PTK2B: variants seen among roughly 807,000 people sequenced by gnomAD.
PTK2B encodes the protein protein-tyrosine kinase 2-beta.
A neutral mutation model predicts 142.9 loss-of-function variants in PTK2B; 71 were observed. That is an observed-to-expected ratio of 0.50 (90% CI 0.41 to 0.61). The LOEUF is 0.61. Among genes scored for constraint, PTK2B ranks in the 20% least tolerant of loss-of-function variants. The probability of loss-of-function intolerance (pLI) is 0.00; values close to 1 mark genes in which losing one functional copy is unlikely to be tolerated. For synonymous variants in PTK2B, 519 were observed against 503.4 expected (o/e 1.03, Z -0.42); for missense variants, 1,105 against 1,320.4 (o/e 0.84, Z 2.53).
At chr8:27,428,221 C>T (rs1810201986) in intron 5 of PTK2B, among the ~76,000 whole-genome samples, 2 of 152,136 alleles carry the variant, frequency 1.3e-5, no homozygotes. Flanking sequence ...GGAGCTCAGG[C>T]AATATAGCAA....
chr8:27,377,459 G>A (rs547727929), intron 1 of PTK2B, among the ~76,000 whole-genome samples: 1 of 152,336 alleles, frequency 6.6e-6, no homozygotes, highest in South Asian at 2.1e-4. Context: ...CCATGACAGA[G>A]CTCCAGAAAT....
chr8:27,447,687 C>T (rs1811552636), intron 24 of PTK2B, among the ~76,000 whole-genome samples: 1 of 152,148 alleles, frequency 6.6e-6, no homozygotes, highest in African/African-American at 2.4e-5. Flanking sequence ...GGCAAAACCC[C>T]ATCTGTACTA....
chr8:27,441,581 C>T (rs1586336404), intron 21 of PTK2B, among the ~76,000 whole-genome samples: 1 of 152,194 alleles, frequency 6.6e-6, no homozygotes, highest in East Asian at 1.9e-4. Context: ...AGGCCAGGGG[C>T]ACTGAGGGTG....
At chr8:27,377,207 A>G (rs1268697879) in intron 1 of PTK2B, among the ~76,000 whole-genome samples, 8 of 152,208 alleles carry the variant, frequency 5.3e-5, no homozygotes, top group Non-Finnish European at 1.2e-4. Flanking sequence ...GTTTTTGCCA[A>G]AAGGGGCGCC....
intron 3 of PTK2B, among the ~76,000 whole-genome samples, chr8:27,317,835 A>C (rs1001209781): frequency 1.3e-5 from 2 of 152,216 alleles, no homozygotes; most frequent in African/African-American, 4.8e-5. Context: ...ACATTGCTGC[A>C]ATTCATTATA....
Position 27,436,349 on chromosome 8 carries a change from G to C in PTK2B, c.1341+1G>C. ...CTATGAAGGTGTCTACACAAATCAC[G>C]TGAGTTCTAGGATCTTCCCTTACAC... is the stretch of plus-strand genomic sequence containing the variant. On this transcript the variant is annotated splice_donor_variant, in intron 15 of 30. Coordinates refer to ENST00000346049, the MANE Select transcript of PTK2B (RefSeq NM_173176.3). LOFTEE classifies it high-confidence loss of function. 6.2e-7 allele frequency: 1 copy of C among 1,606,006 alleles called. No homozygotes were observed. The highest frequency in any genetic ancestry group is 8.5e-7 in the Non-Finnish European group (1 of 1,172,602).
At position 27,422,291 on chromosome 8, in the gene PTK2B, T is replaced by G. The variant is rs1809807200; in HGVS notation, c.472-13T>G. The G allele has an allele frequency of 6.2e-7, 1 of 1,611,850 alleles. No homozygotes were observed. The highest frequency in any genetic ancestry group is 8.5e-7 in the Non-Finnish European group (1 of 1,178,786). ...AGGGTGCAAGCCTGATGCTTGACCT[T>G]TCTCCCCACCAGCTCCGGAACGACT... is the stretch of plus-strand genomic sequence containing the variant. On this transcript the variant is annotated splice_polypyrimidine_tract_variant and intron_variant, in intron 4 of 30. Coordinates refer to ENST00000346049, the MANE Select transcript of PTK2B (RefSeq NM_173176.3).
At chr8:27,439,903 G>A (rs1811049234) in intron 20 of PTK2B, among the ~76,000 whole-genome samples, 1 of 152,116 alleles carries the variant, frequency 6.6e-6, no homozygotes, top group Non-Finnish European at 1.5e-5. Context: ...GTGTTGGTGC[G>A]AGGCTTCCAT....
chr8:27,398,499 G>A (rs994310156), intron 2 of PTK2B, among the ~76,000 whole-genome samples: 1 of 152,202 alleles, frequency 6.6e-6, no homozygotes, highest in African/African-American at 2.4e-5. Context: ...AACAATTACT[G>A]TGTGGAGCCT....
At chr8:27,402,725 G>A (rs944797663) in intron 2 of PTK2B, among the ~76,000 whole-genome samples, 1 of 152,154 alleles carries the variant, frequency 6.6e-6, no homozygotes, top group Non-Finnish European at 1.5e-5. Flanking sequence ...TCAATCTGAA[G>A]CATATGCTCC....
chr8:27,321,078 T>C (rs1803205354), upstream of PTK2B, among the ~76,000 whole-genome samples: 1 of 140,672 alleles, frequency 7.1e-6, no homozygotes, highest in Admixed American at 7.5e-5. Context: ...CATTGCATCC[T>C]CAGTCTCCTG....
chr8:27,364,080 G>A (rs566699723), intron 1 of PTK2B, among the ~76,000 whole-genome samples: 2 of 152,334 alleles, frequency 1.3e-5, no homozygotes, highest in East Asian at 1.9e-4. Context: ...TGAAACAGCT[G>A]CATCAGCGTC....
chr8:27,451,342 G>A (rs1259531181), intron 26 of PTK2B, 143 bp from the exon 27 acceptor site: 21 of 1,381,302 alleles, frequency 1.5e-5, no homozygotes, highest in African/African-American at 4.3e-5. Flanking sequence ...ATTGGGTCAC[G>A]AGCTGCTCCC....
chr8:27,372,139 G>T (rs1425702648), intron 1 of PTK2B, among the ~76,000 whole-genome samples: 3 of 152,170 alleles, frequency 2.0e-5, no homozygotes, highest in Non-Finnish European at 2.9e-5. Context: ...ATATAAATGT[G>T]GTCAGTGAGC....
Position 27,334,551 on chromosome 8 carries a change from T to A in PTK2B, c.-38+8870T>A, listed in dbSNP as rs118025278. On this transcript the variant is annotated intron_variant, in intron 1 of 30. Coordinates refer to ENST00000346049, the MANE Select transcript of PTK2B (RefSeq NM_173176.3). ...CTTTGCATCCTGGGATCTCCCAGAATCTATTTTTCAACCTGATGCTACATT... is the reference window on the plus strand; with the variant it reads ...CTTTGCATCCTGGGATCTCCCAGAAACTATTTTTCAACCTGATGCTACATT... 7.2e-5 allele frequency among the ~76,000 whole-genome samples: 11 copies of A among 152,352 alleles called. No individual in the cohort carries two copies. In the East Asian group the frequency reaches 2.1e-3, roughly 29 times the overall value.
intron 1 of PTK2B, among the ~76,000 whole-genome samples, chr8:27,338,928 A>G (rs2129943691): frequency 6.6e-6 from 1 of 152,220 alleles, no homozygotes; most frequent in East Asian, 1.9e-4. Flanking sequence ...CAATCAAGCA[A>G]CCACACCAAT....
chr8:27,388,470 A>G (rs1807508304), intron 1 of PTK2B, among the ~76,000 whole-genome samples: 1 of 152,234 alleles, frequency 6.6e-6, no homozygotes, highest in Non-Finnish European at 1.5e-5. Flanking sequence ...GCCCCCATGC[A>G]CCTTGTACAT....
chr8:27,381,734 A>G (rs1807034775), intron 1 of PTK2B, among the ~76,000 whole-genome samples: 1 of 152,202 alleles, frequency 6.6e-6, no homozygotes, highest in South Asian at 2.1e-4. Context: ...GAATCTCCAT[A>G]CGGTTCCCCG....
At chr8:27,407,418 C>G (rs1253679432) in intron 2 of PTK2B, among the ~76,000 whole-genome samples, 1 of 152,210 alleles carries the variant, frequency 6.6e-6, no homozygotes, top group Non-Finnish European at 1.5e-5. Context: ...TTGTTCATCC[C>G]AGTCACTGGC....
Sources: allele counts gnomAD v4.1 joint callset (sites outside exome capture counted in the v4.1 genomes callset), GRCh38; gene constraint gnomAD v4.1.1; transcripts MANE v1.5; gene names NCBI Gene and HGNC (gene_info 2026-07-23, HGNC 2026-07-21).